Variants in PTPN14 observed in about 807,000 individuals in gnomAD.
The protein encoded by PTPN14 is tyrosine-protein phosphatase non-receptor type 14.
Under a neutral mutation model 126.8 loss-of-function variants are expected in PTPN14, and 53 were observed. The ratio of observed to expected loss-of-function variants is 0.42; its 90% CI spans 0.34 to 0.53. The LOEUF (loss-of-function observed/expected upper bound fraction) is 0.53. Among genes scored for constraint, PTPN14 ranks in the 20% least tolerant of loss-of-function variants. The pLI, the probability that PTPN14 is intolerant of heterozygous loss-of-function variation, is 0.08. For missense variants in PTPN14, 1,257 were observed against 1,552.9 expected (o/e 0.81, Z 3.20); for synonymous variants, 630 against 599.3 (o/e 1.05, Z -0.75).
chr1:214,531,332 T>C (rs1388361223), intron 1 of PTPN14: 1 of 152,172 alleles, frequency 6.6e-6, no homozygotes, highest in Non-Finnish European at 1.5e-5. Context: ...GCTGTCATAA[T>C]TTCTTACAAG....
chr1:214,369,108 T>G (rs1224862638), intron 17 of PTPN14, among the ~76,000 whole-genome samples: 1 of 152,246 alleles, frequency 6.6e-6, no homozygotes. Context: ...GTTTTTGTCC[T>G]TTTGTGACTG....
intron 1 of PTPN14, among the ~76,000 whole-genome samples, chr1:214,519,884 CA>C (rs1289675325): frequency 6.6e-6 from 1 of 151,144 alleles, no homozygotes; most frequent in Non-Finnish European, 1.5e-5. Flanking sequence ...TCTGTCTCTA[CA>C]AAAAATAAAA....
chr1:214,402,936 C>G lies in PTPN14; in HGVS notation c.528G>C (p.Glu176Asp), dbSNP rs757485231. 4.3e-6 allele frequency: 7 copies of G among 1,614,016 alleles called. 1 individual carries two copies. In the South Asian group the frequency reaches 7.7e-5, roughly 18 times the overall value. ...TCTGGGTCAGCTCCTCCAGAACAGC[C>G]TCTTCCAGGGCCAAATCCTATAAGA... is the stretch of plus-strand genomic sequence containing the variant. Reference protein sequence around the residue: ...VLFPMDLALEEAVLEELTQKV... With the variant: ...VLFPMDLALEDAVLEELTQKV... Residue 176 changes from glutamate (E) to aspartate (D), a missense_variant, in exon 6 of 19, where the codon GAG becomes GAC. Physicochemically the swap from Glu to Asp is conservative, Grantham distance 45. Transcript: ENST00000366956.
chr1:214,491,075 GAGAA>G (rs368571619), intron 1 of PTPN14, among the ~76,000 whole-genome samples: 5,549 of 151,156 alleles, frequency 0.037, 309 homozygotes, highest in African/African-American at 0.13. Context: ...AAGAAAGAAA[GAGAA>G]AGAAAGAAAG....
intron 3 of PTPN14, among the ~76,000 whole-genome samples, chr1:214,421,079 C>A (rs759722793): frequency 2.6e-5 from 4 of 152,288 alleles, no homozygotes; most frequent in Admixed American, 2.6e-4. Context: ...ACTGAGAACA[C>A]ATGTTCACAC....
rs1056015300 is a variant in PTPN14, at chr1:214,551,602, G to C, written c.-574C>G. ...CACTCCGCCGAGAAAAAGTTGGAAA[G>C]AACTTTGAGGGGCCGGGAGAGCCAG... On this transcript the variant is annotated 5_prime_UTR_variant, in exon 1 of 19. Transcript: ENST00000366956. 9 of 152,330 alleles carry C rather than the reference G, an allele frequency of 5.9e-5. No homozygotes were observed. Among genetic ancestry groups the C allele is most frequent in the African/African-American group, 2.2e-4 (9 of 41,454 alleles). The allele number at this position is 152,330 out of a possible 1,614,324, so 9.4% of individuals were successfully genotyped here. A position where few individuals can be genotyped will look rare whatever the true frequency, so the allele number is the denominator to read the frequency against.
chr1:214,442,226 G>A (rs1251716836), intron 3 of PTPN14, among the ~76,000 whole-genome samples: 1 of 152,046 alleles, frequency 6.6e-6, no homozygotes, highest in Non-Finnish European at 1.5e-5. Context: ...GAAGTGTTTG[G>A]GATTTCAGAT....
At chr1:214,516,514 TA>T (rs1558137969) in intron 1 of PTPN14, among the ~76,000 whole-genome samples, 1 of 152,200 alleles carries the variant, frequency 6.6e-6, no homozygotes, top group South Asian at 2.1e-4. Context: ...GCAGACAGTT[TA>T]TTAAGATATG....
chr1:214,474,256 T>C (rs2102666440), intron 1 of PTPN14, among the ~76,000 whole-genome samples: 1 of 152,252 alleles, frequency 6.6e-6, no homozygotes, highest in South Asian at 2.1e-4. Context: ...AACCAAGAAA[T>C]GGAGCCAAAA....
intron 5 of PTPN14, among the ~76,000 whole-genome samples, chr1:214,409,210 C>A (rs1016495612): frequency 6.6e-6 from 1 of 152,208 alleles, no homozygotes; most frequent in African/African-American, 2.4e-5. Context: ...TAACTTTGTA[C>A]CCTTTGATCA....
intron 1 of PTPN14, among the ~76,000 whole-genome samples, chr1:214,544,980 C>T (rs978622744): frequency 4.0e-5 from 6 of 151,828 alleles, no homozygotes; most frequent in Non-Finnish European, 7.4e-5. Context: ...GTTAAGCAGG[C>T]AGGAAGGGGT....
At position 214,351,001 on chromosome 1, in the gene PTPN14, T is replaced by C. The variant is rs904657557; in HGVS notation, c.*6921A>G. ...AACTCTTACATCTGGGTTGCACTCA[T>C]AGGGTAGGTAAAGAAAAGAAAAAGT... On this transcript the variant is annotated 3_prime_UTR_variant, in exon 19 of 19. Transcript: ENST00000366956. The C allele has an allele frequency of 2.6e-5, 4 of 151,806 alleles. No homozygotes were observed. Among genetic ancestry groups the C allele is most frequent in the African/African-American group, 7.3e-5 (3 of 41,348 alleles). The allele number at this position is 151,806 out of a possible 1,614,324, so 9.4% of individuals were successfully genotyped here.
intron 8 of PTPN14, 80 bp downstream of exon 8, chr1:214,397,833 C>G: frequency 8.4e-7 from 1 of 1,193,796 alleles, no homozygotes; most frequent in East Asian, 2.5e-5. Flanking sequence ...GCTCTTAACT[C>G]ATTTGGATGT....
rs1660588576 is a variant in PTPN14 at position 214,464,702 on chromosome 1, C to T, written c.102G>A (p.Glu34=). The T allele has an allele frequency of 2.5e-6, 4 of 1,614,302 alleles. No individual in the cohort carries two copies. Among genetic ancestry groups the T allele is most frequent in the Non-Finnish European group, 3.4e-6 (4 of 1,180,060 alleles). ...RIRLLDSNVI[E]CTLSVESTGQ... Reference sequence around the variant, plus strand: ...CTGTGCTTTCCACCGACAGCGTGCACTCGATAACATTGCTGTCCAGCAGGC... The same window carrying T: ...CTGTGCTTTCCACCGACAGCGTGCATTCGATAACATTGCTGTCCAGCAGGC... Residue 34 remains glutamate (E), a synonymous_variant, in exon 2 of 19, where the codon GAG becomes GAA. Transcript: ENST00000366956.
intron 1 of PTPN14, among the ~76,000 whole-genome samples, chr1:214,523,157 T>C (rs1451492093): frequency 6.6e-6 from 1 of 151,860 alleles, no homozygotes; most frequent in African/African-American, 2.4e-5. Flanking sequence ...CAGATCCATC[T>C]TTATAGAGGC....
At chr1:214,409,433 T>C (rs559625529) in intron 5 of PTPN14, among the ~76,000 whole-genome samples, 1 of 152,334 alleles carries the variant, frequency 6.6e-6, no homozygotes, top group East Asian at 1.9e-4. Flanking sequence ...TAGTATTCCA[T>C]TGTGAGTATA....
chr1:214,378,565 C>T (rs1164136138), intron 13 of PTPN14, among the ~76,000 whole-genome samples: 1 of 152,176 alleles, frequency 6.6e-6, no homozygotes, highest in Admixed American at 6.5e-5. Flanking sequence ...GAGAGATCCA[C>T]ACACATAAAC....
At chr1:214,489,237 T>C (rs542871401) in intron 1 of PTPN14, among the ~76,000 whole-genome samples, 2 of 152,326 alleles carry the variant, frequency 1.3e-5, no homozygotes, top group Admixed American at 6.5e-5. Flanking sequence ...GTATATTACT[T>C]ATCCTCATGT....
At chr1:214,442,846 G>C (rs1334934131) in intron 3 of PTPN14, among the ~76,000 whole-genome samples, 2 of 150,560 alleles carry the variant, frequency 1.3e-5, no homozygotes, top group Non-Finnish European at 3.0e-5. Context: ...TCTTTGAGAC[G>C]GAGTTTCACT....
Sources: allele counts gnomAD v4.1 joint callset (sites outside exome capture counted in the v4.1 genomes callset), GRCh38; gene constraint gnomAD v4.1.1; transcripts MANE v1.5; gene names NCBI Gene and HGNC (gene_info 2026-07-23, HGNC 2026-07-21).